Variants in GALNT7 observed in about 807,000 individuals in gnomAD.
The protein encoded by GALNT7 is polypeptide N-acetylgalactosaminyltransferase 7, also known as N-acetylgalactosaminyltransferase 7.
Under a neutral mutation model 82.1 loss-of-function variants are expected in GALNT7, and 60 were observed. That is an observed-to-expected ratio of 0.73 (90% CI 0.59 to 0.91). GALNT7 has a LOEUF of 0.91. GALNT7 is among the 40% of genes least tolerant of loss of function. The pLI is 0.00. For missense variants in GALNT7, 660 were observed against 804.2 expected (o/e 0.82, Z 2.17); for synonymous variants, 243 against 275.1 (o/e 0.88, Z 1.15).
intron 2 of GALNT7, among the ~76,000 whole-genome samples, chr4:173,288,296 A>T (rs1272811562): frequency 6.7e-6 from 1 of 149,862 alleles, no homozygotes; most frequent in Non-Finnish European, 1.5e-5. Flanking sequence ...AAAAAAAAAA[A>T]AAAAAAAAAG....
intron 1 of GALNT7, among the ~76,000 whole-genome samples, chr4:173,241,209 TAAAAA>T (rs749363253): frequency 1.7e-5 from 1 of 60,226 alleles, no homozygotes; most frequent in Admixed American, 1.3e-4. Flanking sequence ...CATCTCTATT[TAAAAA>T]AAAAAAAAAA....
chr4:173,247,176 A>C (rs1407004606), intron 1 of GALNT7, among the ~76,000 whole-genome samples: 2 of 151,808 alleles, frequency 1.3e-5, no homozygotes, highest in African/African-American at 4.8e-5. Flanking sequence ...CTTAGGAAAA[A>C]ACTTAACAAA....
intron 8 of GALNT7, among the ~76,000 whole-genome samples, chr4:173,307,264 T>G (rs1737193164): frequency 6.6e-6 from 1 of 152,234 alleles, no homozygotes; most frequent in Admixed American, 6.5e-5. Context: ...AGCTGAGGAC[T>G]GAAGCACAAG....
At chr4:173,193,764 T>G (rs930039846) in intron 1 of GALNT7, among the ~76,000 whole-genome samples, 1 of 152,136 alleles carries the variant, frequency 6.6e-6, no homozygotes, top group Non-Finnish European at 1.5e-5. Context: ...CAAAACTAGT[T>G]TTTTTGGGTG....
chr4:173,235,495 G>A (rs1579939594), intron 1 of GALNT7, among the ~76,000 whole-genome samples: 2 of 151,512 alleles, frequency 1.3e-5, no homozygotes, highest in East Asian at 3.9e-4. Context: ...AGTAACTTCT[G>A]TTCTTTCAGA....
rs191462191 is a variant in GALNT7 at position 173,305,855 on chromosome 4, T to C, written c.1389+1737T>C. Among the ~76,000 whole-genome samples, 644 of 152,332 alleles carry C rather than the reference T, an allele frequency of 4.2e-3. 10 individuals carry two copies. The highest frequency in any genetic ancestry group is 6.8e-3 in the Middle Eastern group (2 of 294). The stretch of plus-strand genomic sequence containing the variant: ...ATGCCTCCAGCTTCGTTCTTTTTGC[T>C]CAAGATTGCTTTAGCTATTCAGGGT... On this transcript the variant is annotated intron_variant, in intron 8 of 11. Transcript: ENST00000265000.
intron 2 of GALNT7, among the ~76,000 whole-genome samples, chr4:173,267,652 G>A (rs1579972278): frequency 1.3e-5 from 2 of 152,304 alleles, no homozygotes; most frequent in South Asian, 4.1e-4. Context: ...ATCCGAGAGT[G>A]CCAAGTTCAT....
At chr4:173,266,874 T>G (rs1378708263) in intron 2 of GALNT7, among the ~76,000 whole-genome samples, 3 of 90,254 alleles carry the variant, frequency 3.3e-5, no homozygotes, top group Non-Finnish European at 7.1e-5. Flanking sequence ...GAAGGGTGTG[T>G]GTGTGTGTGT....
intron 1 of GALNT7, among the ~76,000 whole-genome samples, chr4:173,229,361 A>G (rs568257701): frequency 1.4e-3 from 214 of 152,326 alleles, no homozygotes; most frequent in African/African-American, 4.9e-3. Flanking sequence ...ATTTTTATTG[A>G]AATAAATGTA....
rs1646626019 is a variant in GALNT7, at chr4:173,302,881, A to C, written c.1266+717A>C. On this transcript the variant is annotated intron_variant, in intron 7 of 11. Transcript: ENST00000265000. The surrounding 1 kb of genome is among the most constrained non-coding windows in gnomAD (Gnocchi z 4.2). The stretch of plus-strand genomic sequence containing the variant: ...TTATACTTAAATTCATAATACAAGA[A>C]GGCAGAATGGCATTCAGTTGGTGTG... 6.6e-6 allele frequency among the ~76,000 whole-genome samples: 1 copy of C among 152,250 alleles called. No homozygotes were observed. Among genetic ancestry groups the C allele is most frequent in the Admixed American group, 6.5e-5 (1 of 15,292 alleles).
chr4:173,302,110 C>A lies in GALNT7; in HGVS notation c.1212C>A (p.Leu404=). The A allele has an allele frequency of 6.3e-7, 1 of 1,600,000 alleles. No homozygotes were observed. The highest frequency in any genetic ancestry group is 8.6e-7 in the Non-Finnish European group (1 of 1,167,266). The change falls in exon 7 of 12, where the codon CTC becomes CTA. Residue 404 remains leucine, a synonymous_variant. Transcript: ENST00000265000. The surrounding 1 kb of genome is among the most constrained non-coding windows in gnomAD (Gnocchi z 4.2). ...GAGAGTTCTTCTTTGAATTGGGTCT[C>A]TATGATCCAGGTCTCCAGATTTGGG... The part of the protein sequence containing the change: ...IEREFFFELG[L]YDPGLQIWGG...
intron 1 of GALNT7, among the ~76,000 whole-genome samples, chr4:173,195,753 A>G (rs1173083733): frequency 6.6e-6 from 1 of 152,220 alleles, no homozygotes; most frequent in African/African-American, 2.4e-5. Flanking sequence ...AGACAGGTAA[A>G]GGAATTTACA....
chr4:173,280,011 C>T (rs1736055041), intron 2 of GALNT7, among the ~76,000 whole-genome samples: 1 of 151,916 alleles, frequency 6.6e-6, no homozygotes, highest in Non-Finnish European at 1.5e-5. Context: ...TAAAAAAAAT[C>T]AGTGTTTCTC....
At chr4:173,235,556 C>CTTTTT (rs11421248) in intron 1 of GALNT7, among the ~76,000 whole-genome samples, 11 of 140,788 alleles carry the variant, frequency 7.8e-5, no homozygotes, top group East Asian at 2.0e-4. Flanking sequence ...CTTTTCTTTT[C>CTTTTT]TTTTTTTTTT....
At chr4:173,192,585 A>G (rs1201705454) in intron 1 of GALNT7, among the ~76,000 whole-genome samples, 2 of 152,202 alleles carry the variant, frequency 1.3e-5, no homozygotes, top group Non-Finnish European at 2.9e-5. Context: ...TCTCATTCAT[A>G]TGTACACTCG....
chr4:173,292,081 A>G lies in GALNT7; in HGVS notation c.588-27A>G, dbSNP rs755322983. ...CAAGCAGTATAGATTACCTGTAAAT[A>G]AATATGATGAAATTTTCTCTTTACA... is the stretch of plus-strand genomic sequence containing the variant. On this transcript the variant is annotated intron_variant, in intron 2 of 11. Transcript: ENST00000265000. This position sits in a 1 kb window ranked among gnomAD's most constrained non-coding sequence, Gnocchi z 4.8. The G allele has an allele frequency of 3.2e-6, 5 of 1,538,864 alleles. No homozygotes were observed. Among genetic ancestry groups the G allele is most frequent in the Non-Finnish European group, 3.6e-6 (4 of 1,116,440 alleles).
rs1234646671 is a variant in GALNT7, at chr4:173,321,575, T to C, written c.1837-5T>C. On this transcript the variant is annotated splice_polypyrimidine_tract_variant and splice_region_variant and intron_variant, in intron 11 of 11. Transcript: ENST00000265000. ...TTGAAACTTTTTTCTTACTGTGTTT[T>C]CCAGAACCTGCACAGATTTACTCAT... 1.9e-6 allele frequency: 3 copies of C among 1,609,520 alleles called. No individual in the cohort carries two copies. In the South Asian group the frequency reaches 3.3e-5, roughly 18 times the overall value.
intron 6 of GALNT7, among the ~76,000 whole-genome samples, 185 bp from the exon 7 acceptor site, chr4:173,301,862 C>T (rs552807982): frequency 4.7e-4 from 71 of 152,288 alleles, no homozygotes; most frequent in Non-Finnish European, 8.7e-4. Flanking sequence ...GTGGTAAATT[C>T]GTTAGGGAAT....
chr4:173,209,066 G>A (rs1351419559), intron 1 of GALNT7, among the ~76,000 whole-genome samples: 1 of 152,148 alleles, frequency 6.6e-6, no homozygotes, highest in African/African-American at 2.4e-5. Context: ...ACAAAGTTTT[G>A]AAGTACTGAA....
Sources: allele counts gnomAD v4.1 joint callset (sites outside exome capture counted in the v4.1 genomes callset), GRCh38; gene constraint gnomAD v4.1.1; non-coding constraint Gnocchi (gnomAD v3.1); transcripts MANE v1.5; gene names NCBI Gene and HGNC (gene_info 2026-07-23, HGNC 2026-07-21).